Variants in LRP1B observed in about 807,000 individuals in gnomAD.
The protein encoded by LRP1B is LDL receptor related protein 1B.
Under a neutral mutation model 556.6 loss-of-function variants are expected in LRP1B, and 217 were observed. The ratio of observed to expected loss-of-function variants is 0.39; its 90% CI spans 0.35 to 0.44. The LOEUF is 0.44. Among genes scored for constraint, LRP1B ranks in the 20% least tolerant of loss-of-function variants. The probability of loss-of-function intolerance (pLI) is 1.00; values close to 1 mark genes in which losing one functional copy is unlikely to be tolerated. For synonymous variants in LRP1B, 2,047 were observed against 1,865.8 expected (o/e 1.10, Z -2.50); for missense variants, 5,053 against 5,620.8 (o/e 0.90, Z 3.23).
chr2:141,527,016 C>T (rs556577314), intron 2 of LRP1B, among the ~76,000 whole-genome samples: 4 of 152,134 alleles, frequency 2.6e-5, no homozygotes, highest in Admixed American at 6.6e-5. Context: ...CAGAAACATA[C>T]GAATACATTT....
Position 142,108,011 on chromosome 2 carries a change from A to T in LRP1B, c.82+22637T>A, listed in dbSNP as rs771483027. On this transcript the variant is annotated intron_variant, in intron 1 of 90. Transcript: ENST00000389484. ...ATAAGAGCTTATGTCATATATGTTCATAATTTTCTTCATTCTGCTATTATA... is the reference window on the plus strand; with the variant it reads ...ATAAGAGCTTATGTCATATATGTTCTTAATTTTCTTCATTCTGCTATTATA... Among the ~76,000 whole-genome samples, 3 of 150,690 alleles carry T rather than the reference A, an allele frequency of 2.0e-5. No individual in the cohort carries two copies. In the East Asian group the frequency reaches 5.8e-4, roughly 29 times the overall value.
At chr2:141,093,360 T>C (rs1237501414) in intron 7 of LRP1B, among the ~76,000 whole-genome samples, 1 of 151,978 alleles carries the variant, frequency 6.6e-6, no homozygotes, top group Non-Finnish European at 1.5e-5. Context: ...CAAAGGAGAA[T>C]AAAATGTGTC....
At chr2:140,620,324 G>T (rs1683405957) in intron 41 of LRP1B, among the ~76,000 whole-genome samples, 1 of 152,158 alleles carries the variant, frequency 6.6e-6, no homozygotes, top group Non-Finnish European at 1.5e-5. Flanking sequence ...ATGAGATTAA[G>T]TTGAAATTTG....
intron 3 of LRP1B, among the ~76,000 whole-genome samples, chr2:141,311,935 ATGGGCAGAGGCTGGAAAAGTTTG>A (rs1468679755): frequency 1.3e-5 from 2 of 152,194 alleles, no homozygotes; most frequent in African/African-American, 2.4e-5. Flanking sequence ...GGACAGGGTA[ATGGGCAGAGGCTGGAAAAGTTTG>A]GAGGAGCAGG....
At chr2:141,677,496 A>G (rs1250417424) in intron 2 of LRP1B, among the ~76,000 whole-genome samples, 1 of 151,974 alleles carries the variant, frequency 6.6e-6, no homozygotes. Context: ...ATGTATATAT[A>G]TATTTTTTTT....
At chr2:140,683,696 C>A in intron 41 of LRP1B, 1 of 719,894 alleles carries the variant, frequency 1.4e-6, no homozygotes, top group Non-Finnish European at 2.5e-6. Flanking sequence ...TCACTCCGGG[C>A]TGGACTGTCA....
At chr2:140,967,922 G>T (rs1351486699) in intron 18 of LRP1B, among the ~76,000 whole-genome samples, 1 of 150,150 alleles carries the variant, frequency 6.7e-6, no homozygotes, top group Non-Finnish European at 1.5e-5. Flanking sequence ...GCTTTTTGAT[G>T]TGCTGCTGGA....
intron 7 of LRP1B, among the ~76,000 whole-genome samples, chr2:141,179,678 C>T (rs562916530): frequency 1.3e-5 from 2 of 151,910 alleles, no homozygotes; most frequent in Non-Finnish European, 2.9e-5. Context: ...ACCACCACCA[C>T]CAACACCACG....
At chr2:141,531,680 A>C (rs1421689095) in intron 2 of LRP1B, among the ~76,000 whole-genome samples, 1 of 152,174 alleles carries the variant, frequency 6.6e-6, no homozygotes, top group African/African-American at 2.4e-5. Flanking sequence ...AAACAAACTC[A>C]TCATGTTACA....
At chr2:140,949,813 G>C (rs1287683870) in intron 20 of LRP1B, among the ~76,000 whole-genome samples, 1 of 151,660 alleles carries the variant, frequency 6.6e-6, no homozygotes, top group Non-Finnish European at 1.5e-5. Flanking sequence ...GGTGGCAGGT[G>C]CCTGTAGTCC....
chr2:141,771,933 C>T (rs1172607928), intron 2 of LRP1B, among the ~76,000 whole-genome samples: 1 of 152,144 alleles, frequency 6.6e-6, no homozygotes, highest in African/African-American at 2.4e-5. Flanking sequence ...ATTCTCCTGC[C>T]TCAGCCTCCC....
At chr2:141,196,760 C>T (rs1289575987) in intron 6 of LRP1B, among the ~76,000 whole-genome samples, 2 of 152,102 alleles carry the variant, frequency 1.3e-5, no homozygotes, top group Non-Finnish European at 2.9e-5. Context: ...ATTCCTGTTG[C>T]CTACCATCTT....
chr2:141,852,457 A>G (rs939292091), intron 1 of LRP1B, among the ~76,000 whole-genome samples: 8 of 151,844 alleles, frequency 5.3e-5, no homozygotes, highest in Non-Finnish European at 1.0e-4. Context: ...GCAGGCAAAC[A>G]GGTAAGAGTA....
chr2:141,978,613 A>C (rs1347806189), intron 1 of LRP1B, among the ~76,000 whole-genome samples: 2 of 151,988 alleles, frequency 1.3e-5, no homozygotes, highest in East Asian at 3.9e-4. Context: ...GTGTTCTTGA[A>C]GCTTCCAGAG....
In LRP1B at chr2:141,168,858, G is replaced by C. The variant is rs547948041; in HGVS notation, c.1013+19563C>G. Among the ~76,000 whole-genome samples the C allele has an allele frequency of 9.2e-5, 14 of 152,106 alleles. No individual in the cohort carries two copies. In the South Asian group the frequency reaches 2.7e-3, roughly 29 times the overall value. On this transcript the variant is annotated intron_variant, in intron 7 of 90. Transcript: ENST00000389484. ...ATCTCATAGGCTTTTGTGAAGATTA[G>C]ATCAATAATACAAGCAAAGAGCTTA...
intron 2 of LRP1B, among the ~76,000 whole-genome samples, chr2:141,671,218 G>T (rs962179066): frequency 1.3e-5 from 2 of 152,186 alleles, no homozygotes; most frequent in African/African-American, 4.8e-5. Flanking sequence ...CATAACTGCT[G>T]ATTCCAGAGC....
At chr2:141,012,223 A>T (rs1697775069) in intron 14 of LRP1B, among the ~76,000 whole-genome samples, 1 of 152,036 alleles carries the variant, frequency 6.6e-6, no homozygotes, top group African/African-American at 2.4e-5. Flanking sequence ...AAGATGGTAA[A>T]AATGTTATGG....
intron 43 of LRP1B, among the ~76,000 whole-genome samples, chr2:140,573,911 A>G (rs1347927241): frequency 1.3e-5 from 2 of 152,070 alleles, no homozygotes; most frequent in Admixed American, 1.3e-4. Flanking sequence ...AAAATAATTA[A>G]TTAAGCTGTA....
chr2:140,860,027 A>C (rs1453494801), intron 27 of LRP1B, among the ~76,000 whole-genome samples: 2 of 152,094 alleles, frequency 1.3e-5, no homozygotes, highest in Non-Finnish European at 2.9e-5. Flanking sequence ...ATTAAAAAAA[A>C]ATTGCCTTCA....
Sources: gnomAD v4.1 joint callset for allele counts (sites outside exome capture counted in the v4.1 genomes callset) on GRCh38, gnomAD v4.1.1 for gene constraint, MANE v1.5 for transcripts, NCBI Gene and HGNC (gene_info 2026-07-23, HGNC 2026-07-21) for gene names.